YDJC: variants seen among roughly 807,000 people sequenced by gnomAD.
The protein encoded by YDJC is YdjC chitooligosaccharide deacetylase homolog, also known as carbohydrate deacetylase.
Under a neutral mutation model 18.9 loss-of-function variants are expected in YDJC, and 23 were observed. That is an observed-to-expected ratio of 1.22 (90% CI 0.87 to 1.72). The LOEUF is 1.72. YDJC is among the 40% of genes most tolerant of loss of function. The pLI is 0.00. For missense variants in YDJC, 467 were observed against 470.8 expected, an observed-to-expected ratio of 0.99 and a Z score of 0.07; for synonymous variants, 224 against 217.6, an observed-to-expected ratio of 1.03 and a Z score of -0.26.
Position 21,629,170 on chromosome 22 carries a change from C to G in YDJC, c.442G>C (p.Ala148Pro). 6.5e-7 allele frequency: 1 copy of G among 1,541,906 alleles called. No individual in the cohort carries two copies. The highest frequency in any genetic ancestry group is 1.2e-5 in the South Asian group (1 of 83,832). ...HVLPGVCQVF[A>P]EALQAYGVRF... ...ACCCCATAGGCCTGCAGCGCCTCGG[C>G]GAACACCTGGCACACGCCTGCGGGC... is the stretch of plus-strand genomic sequence containing the variant. Residue 148 changes from alanine (A) to proline (P), a missense_variant, in exon 4 of 5, where the codon GCC (alanine) becomes CCC (proline). By Grantham distance (27) the Ala-to-Pro change is conservative. Coordinates refer to ENST00000292778, the MANE Select transcript of YDJC (RefSeq NM_001017964.2).
intron 4 of YDJC, 96 bp from the exon 5 acceptor site, chr22:21,628,883 TG>T (rs1283651042): frequency 4.5e-5 from 23 of 506,594 alleles, no homozygotes; most frequent in Non-Finnish European, 6.8e-5. Context: ...AGGGGGTAAC[TG>T]GGGTGGCGGC....
chr22:21,628,466 G>A lies in YDJC; in HGVS notation c.924C>T (p.Val308=). Residue 308 remains valine, a synonymous_variant, in exon 5 of 5, where the codon GTC becomes GTT. Coordinates refer to ENST00000292778, the MANE Select transcript of YDJC (RefSeq NM_001017964.2). ...DLDSKRPGEE[V]PCEPTLEPFL... is the part of the protein sequence containing the mutation. The stretch of plus-strand genomic sequence containing the variant: ...AGGGTTCCAGAGTGGGCTCACAGGG[G>A]ACCTCCTCCCCTGGCCTCTTGGAGT... 1 of 1,593,514 alleles carries A rather than the reference G, an allele frequency of 6.3e-7. No homozygotes were observed. Among genetic ancestry groups the A allele is most frequent in the Non-Finnish European group, 8.6e-7 (1 of 1,167,728 alleles).
chr22:21,628,836 A>G (rs1217091196), intron 4 of YDJC, 49 bp from the exon 5 acceptor site: 6 of 1,175,570 alleles, frequency 5.1e-6, no homozygotes, highest in Non-Finnish European at 6.4e-6. Flanking sequence ...GCCATGGCCA[A>G]GGGCTAGGTA....
At chr22:21,629,828 C>CATG in intron 1 of YDJC, 23 bp downstream of exon 1, 1 of 1,510,294 alleles carries the variant, frequency 6.6e-7, no homozygotes, top group South Asian at 1.2e-5. Flanking sequence ...CGATCGCCGC[C>CATG]CTGCTAGAGG....
In YDJC at chr22:21,628,325, G is replaced by T. The variant is rs1238857872; in HGVS notation, c.*93C>A. 5 of 1,442,770 alleles carry T rather than the reference G, an allele frequency of 3.5e-6. No individual in the cohort carries two copies. The highest frequency in any genetic ancestry group is 4.6e-6 in the Non-Finnish European group (5 of 1,088,102). The allele number at this position is 1,442,770 out of a possible 1,614,324, so 89.4% of individuals were successfully genotyped here. A position where few individuals can be genotyped will look rare whatever the true frequency, so the allele number is the denominator to read the frequency against. On this transcript the variant is annotated 3_prime_UTR_variant, in exon 5 of 5. Transcript: ENST00000292778. ...CTACCCAGGGAAGTCAACAGATCGT[G>T]CTCCAGGTCCCAGCTCTGGGCTGGG...
At position 21,629,850 on chromosome 22, in the gene YDJC, C is replaced by A; in HGVS notation, c.164+1G>T. 1 of 1,551,498 alleles carries A rather than the reference C, an allele frequency of 6.4e-7. No homozygotes were observed. Among genetic ancestry groups the A allele is most frequent in the Non-Finnish European group, 8.7e-7 (1 of 1,153,984 alleles). ...CGCCCTGCTAGAGGCCCTCCCCTCA[C>A]CTGCGGGCCAGCTCCGCCGCGCTCT... On this transcript the variant is annotated splice_donor_variant, in intron 1 of 4. Coordinates refer to ENST00000292778, the MANE Select transcript of YDJC (RefSeq NM_001017964.2). LOFTEE classifies it high-confidence loss of function.
Position 21,629,902 on chromosome 22 carries a change from G to A in YDJC, c.113C>T (p.Ser38Phe). 1.3e-6 allele frequency: 2 copies of A among 1,596,438 alleles called. No individual in the cohort carries two copies. Among genetic ancestry groups the A allele is most frequent in the Non-Finnish European group, 8.5e-7 (1 of 1,175,570 alleles). Residue 38 changes from serine to phenylalanine, a missense_variant, in exon 1 of 5, where the codon TCC (serine) becomes TTC (phenylalanine). Physicochemically the swap from Ser to Phe is radical, Grantham distance 155 (BLOSUM62 -2). Coordinates refer to ENST00000292778, the MANE Select transcript of YDJC (RefSeq NM_001017964.2). ...CGTGGCCGCACCGTTGACCAGCAGG[G>A]ACACGCTGGTCACAGCCCCGGCCAG... ...AFLAGAVTSV[S>F]LLVNGAATES...
chr22:21,628,902 G>T, intron 4 of YDJC, 108 bp downstream of exon 4: 1 of 1,421,370 alleles, frequency 7.0e-7, no homozygotes, highest in Non-Finnish European at 9.2e-7. Context: ...GGCAGCGGTC[G>T]ACGCCAGACT....
At position 21,628,684 on chromosome 22, in the gene YDJC, G is replaced by A. The variant is rs1011780647; in HGVS notation, c.706C>T (p.His236Tyr). 2.6e-6 allele frequency: 4 copies of A among 1,555,666 alleles called. No individual in the cohort carries two copies. In the African/African-American group the frequency reaches 4.1e-5, roughly 16 times the overall value. ...ARVLEGTLAG[H>Y]TLTAELMAHP... ...GCCATCAGCTCGGCTGTCAGGGTGT[G>A]GCCCGCTAGGGTACCTTCCAGGACC... The change falls in exon 5 of 5, where the codon CAC (histidine) becomes TAC (tyrosine). Residue 236 changes from histidine (H) to tyrosine (Y), a missense_variant. Physicochemically the swap from His to Tyr is moderately conservative, Grantham distance 83. Coordinates refer to ENST00000292778, the MANE Select transcript of YDJC (RefSeq NM_001017964.2).
chr22:21,629,637 C>T lies in YDJC; in HGVS notation c.289G>A (p.Glu97Lys). ...GFFLGKMGFREAVAAGDVDLP... is the reference protein window; with the variant it reads ...GFFLGKMGFRKAVAAGDVDLP... ...TCCACGTCTCCGGCCGCCACCGCCT[C>T]CCGGAATCCCATCTTGCCAAGGAAG... Residue 97 changes from glutamate (E) to lysine (K), a missense_variant, in exon 2 of 5, where the codon GAG (glutamate) becomes AAG (lysine). Glu to Lys is a moderately conservative substitution (Grantham distance 56). Coordinates refer to ENST00000292778, the MANE Select transcript of YDJC (RefSeq NM_001017964.2). 1.2e-6 allele frequency: 2 copies of T among 1,612,624 alleles called. No homozygotes were observed. The highest frequency in any genetic ancestry group is 8.5e-7 in the Non-Finnish European group (1 of 1,179,940).
chr22:21,629,994 G>A lies in YDJC; in HGVS notation c.21C>T (p.Arg7=). MSRPRM[R]LVVTADDFGY... ...CAAAGTCGTCCGCGGTGACCACCAG[G>A]CGCATGCGAGGGCGGGACATGGCCG... The change falls in exon 1 of 5, where the codon CGC becomes CGT. Residue 7 remains arginine, a synonymous_variant. Coordinates refer to ENST00000292778, the MANE Select transcript of YDJC (RefSeq NM_001017964.2). 1 of 1,599,532 alleles carries A rather than the reference G, an allele frequency of 6.3e-7. No individual in the cohort carries two copies. The highest frequency in any genetic ancestry group is 8.5e-7 in the Non-Finnish European group (1 of 1,177,052).
At chr22:21,629,253 C>A in intron 3 of YDJC, 55 bp downstream of exon 3, 2 of 1,550,000 alleles carry the variant, frequency 1.3e-6, no homozygotes, top group Non-Finnish European at 1.7e-6. Flanking sequence ...TTCCCCTACT[C>A]CCCCAGCCCC....
Position 21,629,362 on chromosome 22 carries a change from G to A in YDJC, c.370C>T (p.Leu124=). The change falls in exon 3 of 5, where the codon CTG becomes TTG. Residue 124 remains leucine, a synonymous_variant. Coordinates refer to ENST00000292778, the MANE Select transcript of YDJC (RefSeq NM_001017964.2). ...TCCGCGTGCGTGGGGGCCCTGCCCA[G>A]CAGCTCCCGGAAGCAGCTTAGTTGG... ...EAQLSCFREL[L]GRAPTHADGH... is the part of the protein sequence containing the mutation. The A allele has an allele frequency of 6.5e-7, 1 of 1,550,038 alleles. No homozygotes were observed. The highest frequency in any genetic ancestry group is 8.7e-7 in the Non-Finnish European group (1 of 1,146,898).
chr22:21,629,019 T>C lies in YDJC; in HGVS notation c.593A>G (p.His198Arg). 2 of 1,474,476 alleles carry C rather than the reference T, an allele frequency of 1.4e-6. No individual in the cohort carries two copies. The highest frequency in any genetic ancestry group is 1.8e-6 in the Non-Finnish European group (2 of 1,122,282). 91.3% of individuals were successfully genotyped at this position (1,474,476 alleles called of 1,614,324 possible). ...GGGCGGGGAGCCTCACCGCAGGCCG[T>C]GGCGGGAGAAGGGGCCCACGGCGGC... is the stretch of plus-strand genomic sequence containing the variant. The part of the protein sequence containing the change: ...ARAAVGPFSR[H>R]GLRWTDAFVG... The change falls in exon 4 of 5, where the codon CAC becomes CGC. Residue 198 changes from histidine to arginine, a missense_variant. By Grantham distance (29) the His-to-Arg change is conservative. Transcript: ENST00000292778.
rs191054568 is a variant in YDJC at position 21,629,136 on chromosome 22, G to A, written c.476C>T (p.Thr159Met). Reference protein sequence around the residue: ...EALQAYGVRFTRLPLERGVGG... With the variant: ...EALQAYGVRFMRLPLERGVGG... Reference sequence around the variant, plus strand: ...CACACCGCGCTCCAGCGGCAGTCGCGTAAAGCGCACCCCATAGGCCTGCAG... The same window carrying A: ...CACACCGCGCTCCAGCGGCAGTCGCATAAAGCGCACCCCATAGGCCTGCAG... Residue 159 changes from threonine (T) to methionine (M), a missense_variant, in exon 4 of 5, where the codon ACG becomes ATG. Physicochemically the swap from Thr to Met is moderately conservative, Grantham distance 81 (BLOSUM62 -1). Coordinates refer to ENST00000292778, the MANE Select transcript of YDJC (RefSeq NM_001017964.2). The A allele has an allele frequency of 6.5e-6, 10 of 1,539,758 alleles. No individual in the cohort carries two copies. The highest frequency in any genetic ancestry group is 7.9e-6 in the Non-Finnish European group (9 of 1,146,394).
intron 1 of YDJC, 24 bp downstream of exon 1, chr22:21,629,827 C>T: frequency 6.6e-7 from 1 of 1,509,126 alleles, no homozygotes. Context: ...CCGATCGCCG[C>T]CCTGCTAGAG....
chr22:21,629,454 G>A lies in YDJC; in HGVS notation c.325-47C>T, dbSNP rs369707610. The A allele has an allele frequency of 1.9e-4, 299 of 1,536,116 alleles. 3 individuals carry two copies. The South Asian group carries it at 3.0e-3, about 16-fold the overall frequency. On this transcript the variant is annotated intron_variant, in intron 2 of 4. Coordinates refer to ENST00000292778, the MANE Select transcript of YDJC (RefSeq NM_001017964.2). ...CCTTGAGCGACCGGGAGTAGCTGCCGAGGATACCCTCCTCGTGCTTCCGTG... is the reference window on the plus strand; with the variant it reads ...CCTTGAGCGACCGGGAGTAGCTGCCAAGGATACCCTCCTCGTGCTTCCGTG...
Position 21,628,476 on chromosome 22 carries a change from C to T in YDJC, c.914G>A (p.Gly305Glu). 6.2e-7 allele frequency: 1 copy of T among 1,604,052 alleles called. No homozygotes were observed. Among genetic ancestry groups the T allele is most frequent in the Non-Finnish European group, 8.5e-7 (1 of 1,173,900 alleles). ...AGTGGGCTCACAGGGGACCTCCTCCCCTGGCCTCTTGGAGTCCAGGTCGTC... is the reference window on the plus strand; with the variant it reads ...AGTGGGCTCACAGGGGACCTCCTCCTCTGGCCTCTTGGAGTCCAGGTCGTC... ...ALDDLDSKRP[G>E]EEVPCEPTLE... Residue 305 changes from glycine to glutamate, a missense_variant, in exon 5 of 5, where the codon GGG becomes GAG. By Grantham distance (98) the Gly-to-Glu change is moderately conservative (BLOSUM62 -2). Coordinates refer to ENST00000292778, the MANE Select transcript of YDJC (RefSeq NM_001017964.2).
In YDJC at chr22:21,628,562, G is replaced by C; in HGVS notation, c.828C>G (p.Val276=). Residue 276 remains valine, a synonymous_variant, in exon 5 of 5, where the codon GTC becomes GTG. Transcript: ENST00000292778. ...GGGCCCGCAGCGTGGGCGCGGTGAGGACGCGCAGCTCATGCAGCCGCTCCC... is the reference window on the plus strand; with the variant it reads ...GGGCCCGCAGCGTGGGCGCGGTGAGCACGCGCAGCTCATGCAGCCGCTCCC... ...CSWERLHELR[V]LTAPTLRAQL... The C allele has an allele frequency of 6.2e-7, 1 of 1,610,666 alleles. No individual in the cohort carries two copies. The highest frequency in any genetic ancestry group is 1.1e-5 in the South Asian group (1 of 90,930).
Sources: allele counts gnomAD v4.1 joint callset, GRCh38; gene constraint gnomAD v4.1.1; transcripts MANE v1.5; gene names NCBI Gene and HGNC (gene_info 2026-07-23, HGNC 2026-07-21).